The following TCERG1 variants were observed in gnomAD, a reference collection of about 807,000 sequenced individuals.
TCERG1 encodes transcription elongation regulator 1, also known as TATA box binding protein (TBP)-associated factor, RNA polymerase II, S, 150kD.
A neutral mutation model predicts 144.7 loss-of-function variants in TCERG1; 37 were observed. That is an observed-to-expected ratio of 0.26 (90% CI 0.20 to 0.34). The LOEUF (loss-of-function observed/expected upper bound fraction) is 0.34, where lower values mean the gene tolerates loss of function less well. Ranked by LOEUF, TCERG1 falls within the 10% of genes least tolerant of loss-of-function variation. TCERG1 has a pLI of 1.00. For missense variants in TCERG1, 1,027 were observed against 1,380.7 expected (o/e 0.74, Z 4.06); for synonymous variants, 492 against 458.2 (o/e 1.07, Z -0.94).
rs142644620 is a variant in TCERG1, at chr5:146,502,638, G to A, written c.2434-737G>A. On this transcript the variant is annotated intron_variant, in intron 17 of 22. Transcript: ENST00000679501. ...TTTAACTTGGTATTTCAGTTGTTGAGTATAATACTGGATAAACACTTAACA... is the reference window on the plus strand; with the variant it reads ...TTTAACTTGGTATTTCAGTTGTTGAATATAATACTGGATAAACACTTAACA... 5.7e-4 allele frequency among the ~76,000 whole-genome samples: 86 copies of A among 152,180 alleles called. 1 individual carries two copies. Among genetic ancestry groups the A allele is most frequent in the African/African-American group, 2.0e-3 (81 of 41,530 alleles).
intron 19 of TCERG1, among the ~76,000 whole-genome samples, chr5:146,505,350 T>C (rs1166444549): frequency 6.6e-6 from 1 of 152,232 alleles, no homozygotes; most frequent in East Asian, 1.9e-4. Flanking sequence ...CTCCCCTGGT[T>C]ACTTGCAGGG....
chr5:146,464,470 T>A (rs1763601928), intron 5 of TCERG1, among the ~76,000 whole-genome samples: 1 of 152,242 alleles, frequency 6.6e-6, no homozygotes, highest in Non-Finnish European at 1.5e-5. Context: ...GTTTAAATTG[T>A]TATGGTGAAT....
intron 8 of TCERG1, among the ~76,000 whole-genome samples, chr5:146,471,236 A>G (rs1205410043): frequency 6.6e-6 from 1 of 152,240 alleles, no homozygotes; most frequent in African/African-American, 2.4e-5. Flanking sequence ...GTAGTTCTCC[A>G]TATCTGCTCC....
Position 146,510,474 on chromosome 5 carries a change from C to T in TCERG1, c.3180C>T (p.His1060=), listed in dbSNP as rs1479288960. 1 of 1,613,868 alleles carries T rather than the reference C, an allele frequency of 6.2e-7. No homozygotes were observed. The highest frequency in any genetic ancestry group is 2.2e-5 in the East Asian group (1 of 44,872). The change falls in exon 23 of 23, where the codon CAC becomes CAT. Residue 1060 remains histidine, a synonymous_variant. Coordinates refer to ENST00000679501, the MANE Select transcript of TCERG1 (RefSeq NM_001382548.1). ...AATTAATCCAAGAATCAGATCAGCA[C>T]CTGAAAGATGTAGAAAAAATTTTAC... ...SKKLIQESDQ[H]LKDVEKILQN... is the part of the protein sequence containing the mutation.
At chr5:146,478,460 C>T (rs760935508) in intron 9 of TCERG1, 33 bp from the exon 10 acceptor site, 57 of 1,544,452 alleles carry the variant, frequency 3.7e-5, no homozygotes, top group Non-Finnish European at 1.7e-6. Context: ...TGTTCTGTAA[C>T]ATAAGAGAAT....
intron 10 of TCERG1, among the ~76,000 whole-genome samples, 172 bp downstream of exon 10, chr5:146,478,825 A>G (rs536824767): frequency 6.6e-6 from 1 of 152,320 alleles, no homozygotes; most frequent in South Asian, 2.1e-4. Context: ...AAAAATATGG[A>G]GAGAATTTGG....
rs1257275940 is a variant in TCERG1 at position 146,483,598 on chromosome 5, A to C, written c.2132A>C (p.Tyr711Ser). 1 of 1,612,490 alleles carries C rather than the reference A, an allele frequency of 6.2e-7. No homozygotes were observed. Among genetic ancestry groups the C allele is most frequent in the Non-Finnish European group, 8.5e-7 (1 of 1,179,140 alleles). The part of the protein sequence containing the change: ...ELHKIVFDPR[Y>S]LLLNPKERKQ... ...CACAAGATAGTTTTTGATCCCCGGT[A>C]CTTACTTCTCAATCCTAAAGAGAGA... The change falls in exon 15 of 23, where the codon TAC becomes TCC. Residue 711 changes from tyrosine (Y) to serine (S), a missense_variant. By Grantham distance (144) the Tyr-to-Ser change is moderately radical. Coordinates refer to ENST00000679501, the MANE Select transcript of TCERG1 (RefSeq NM_001382548.1).
chr5:146,493,141 A>G, intron 16 of TCERG1, 103 bp downstream of exon 16: 2 of 815,330 alleles, frequency 2.5e-6, no homozygotes, highest in South Asian at 1.8e-5. Flanking sequence ...TTTGGGCACT[A>G]AAAGCTCCTT....
At chr5:146,480,904 C>G (rs940167907) in intron 12 of TCERG1, among the ~76,000 whole-genome samples, 5 of 150,828 alleles carry the variant, frequency 3.3e-5, no homozygotes, top group Non-Finnish European at 5.9e-5. Context: ...CTCATTTTTG[C>G]AATTGACTTT....
chr5:146,456,711 A>G (rs1009710309), intron 2 of TCERG1, among the ~76,000 whole-genome samples: 2 of 152,238 alleles, frequency 1.3e-5, no homozygotes, highest in Non-Finnish European at 2.9e-5. Context: ...CTTACAGCTT[A>G]TAGAGGAAAT....
Position 146,511,620 on chromosome 5 carries a change from A to G in TCERG1, c.*978A>G, listed in dbSNP as rs921395422. On this transcript the variant is annotated 3_prime_UTR_variant, in exon 23 of 23. Transcript: ENST00000679501. ...AGTAAGTTGACTCTAAATCTTAAGT[A>G]TTACCTAGTTTTTAAAGGTTTGAAT... The G allele has an allele frequency of 1.3e-5, 2 of 152,680 alleles. No homozygotes were observed. Among genetic ancestry groups the G allele is most frequent in the Non-Finnish European group, 2.9e-5 (2 of 68,052 alleles). The allele number at this position is 152,680 out of a possible 1,614,324, so 9.5% of individuals were successfully genotyped here.
chr5:146,469,499 T>A, intron 6 of TCERG1, 45 bp from the exon 7 acceptor site: 1 of 1,471,338 alleles, frequency 6.8e-7, no homozygotes, highest in Non-Finnish European at 9.2e-7. Flanking sequence ...TATTTTGTAT[T>A]GCGGTTTGAT....
intron 8 of TCERG1, among the ~76,000 whole-genome samples, chr5:146,471,203 C>A (rs147209224): frequency 7.2e-5 from 11 of 152,172 alleles, no homozygotes; most frequent in Non-Finnish European, 1.0e-4. Flanking sequence ...TAAGAAACAA[C>A]CTTAAATGAA....
Position 146,457,226 on chromosome 5 carries a change from C to T in TCERG1, c.329C>T (p.Pro110Leu), listed in dbSNP as rs1762907124. 3 of 1,614,148 alleles carry T rather than the reference C, an allele frequency of 1.9e-6. No homozygotes were observed. The highest frequency in any genetic ancestry group is 1.3e-5 in the African/African-American group (1 of 75,064). Residue 110 changes from proline to leucine, a missense_variant, in exon 3 of 23, where the codon CCT becomes CTT. Coordinates refer to ENST00000679501, the MANE Select transcript of TCERG1 (RefSeq NM_001382548.1). ...MPPPMSSMPPPPGMMFPPGMP... is the reference protein window; with the variant it reads ...MPPPMSSMPPLPGMMFPPGMP... The stretch of plus-strand genomic sequence containing the variant: ...CCTCCCATGAGTTCCATGCCTCCTC[C>T]TCCGGGTATGATGTTTCCACCAGGA...
chr5:146,482,741 C>G lies in TCERG1; in HGVS notation c.2073+14C>G. Reference sequence around the variant, plus strand: ...CTAGAGAGAGGGGTCAGAAAACAATCTTTGGGGGAGATATTTCTGTTTTGT... The same window carrying G: ...CTAGAGAGAGGGGTCAGAAAACAATGTTTGGGGGAGATATTTCTGTTTTGT... On this transcript the variant is annotated intron_variant, in intron 14 of 22. Coordinates refer to ENST00000679501, the MANE Select transcript of TCERG1 (RefSeq NM_001382548.1). 6.3e-7 allele frequency: 1 copy of G among 1,589,254 alleles called. No individual in the cohort carries two copies. Among genetic ancestry groups the G allele is most frequent in the Admixed American group, 1.7e-5 (1 of 57,212 alleles).
At chr5:146,464,794 T>C (rs1466392275) in intron 5 of TCERG1, among the ~76,000 whole-genome samples, 5 of 152,172 alleles carry the variant, frequency 3.3e-5, no homozygotes, top group Admixed American at 6.5e-5. Context: ...TATACTCCTT[T>C]CTGTGTAAGA....
chr5:146,500,155 C>T, intron 17 of TCERG1, among the ~76,000 whole-genome samples: 1 of 150,838 alleles, frequency 6.6e-6, no homozygotes, highest in African/African-American at 2.4e-5. Flanking sequence ...ACAGGGTTGG[C>T]TTTATACCAT....
intron 10 of TCERG1, among the ~76,000 whole-genome samples, chr5:146,478,890 A>AT (rs747440046): frequency 1.3e-5 from 2 of 152,056 alleles, no homozygotes; most frequent in Non-Finnish European, 2.9e-5. Context: ...CCTACTCAAG[A>AT]TTTTCAGTTA....
At chr5:146,472,938 C>T (rs1266595503) in intron 9 of TCERG1, among the ~76,000 whole-genome samples, 1 of 152,142 alleles carries the variant, frequency 6.6e-6, no homozygotes, top group Non-Finnish European at 1.5e-5. Flanking sequence ...TGGTCTCGAT[C>T]TCCTGACCTC....
Sources: gnomAD v4.1 joint callset for allele counts (sites outside exome capture counted in the v4.1 genomes callset) on GRCh38, gnomAD v4.1.1 for gene constraint, MANE v1.5 for transcripts, NCBI Gene and HGNC (gene_info 2026-07-23, HGNC 2026-07-21) for gene names.